Variants in LRRC7 observed in about 807,000 individuals in gnomAD.
LRRC7 encodes leucine-rich repeat-containing protein 7.
A neutral mutation model predicts 175.7 loss-of-function variants in LRRC7; 23 were observed. That is an observed-to-expected ratio of 0.13 (90% CI 0.09 to 0.19). The LOEUF is 0.19. Ranked by LOEUF, LRRC7 falls within the 10% of genes least tolerant of loss-of-function variation. LRRC7 has a pLI of 1.00. For missense variants in LRRC7, 1,354 were observed against 1,904.7 expected, an observed-to-expected ratio of 0.71 and a Z score of 5.38; for synonymous variants, 685 against 680.9, an observed-to-expected ratio of 1.01 and a Z score of -0.09.
chr1:69,607,847 C>T (rs1470733293), intron 1 of LRRC7: 1 of 152,074 alleles, frequency 6.6e-6, no homozygotes, highest in Non-Finnish European at 1.5e-5. Flanking sequence ...GGTATTGATT[C>T]TTCTATTTGG....
At chr1:70,035,082 A>G (rs1659164808) in intron 18 of LRRC7, among the ~76,000 whole-genome samples, 1 of 152,204 alleles carries the variant, frequency 6.6e-6, no homozygotes, top group Non-Finnish European at 1.5e-5. Context: ...CTGATTTAAC[A>G]AAATATTTCT....
At chr1:69,967,880 T>C (rs1651815726) in intron 8 of LRRC7, among the ~76,000 whole-genome samples, 1 of 152,028 alleles carries the variant, frequency 6.6e-6, no homozygotes, top group Non-Finnish European at 1.5e-5. Flanking sequence ...TCTGGTAATA[T>C]GGCAAAACAA....
chr1:69,775,589 C>T (rs1314771900), intron 3 of LRRC7, among the ~76,000 whole-genome samples: 1 of 152,160 alleles, frequency 6.6e-6, no homozygotes, highest in Non-Finnish European at 1.5e-5. Flanking sequence ...ATAGAACTGA[C>T]TTCTAGTCAC....
intron 3 of LRRC7, among the ~76,000 whole-genome samples, chr1:69,779,806 T>C (rs1430936277): frequency 6.6e-6 from 1 of 152,244 alleles, no homozygotes; most frequent in Non-Finnish European, 1.5e-5. Flanking sequence ...ATTGTTAAAA[T>C]GTACTAGAAA....
In LRRC7 at chr1:70,088,594, A is replaced by T. The variant is rs562981978; in HGVS notation, c.4453-1133A>T. 4.6e-5 allele frequency among the ~76,000 whole-genome samples: 7 copies of T among 152,258 alleles called. No individual in the cohort carries two copies. The South Asian group carries it at 1.4e-3, about 32-fold the overall frequency. ...AGTAAATAATAAAAAATAAAGTTACAAAGTGTTTTTTCTTTATGTAACCAA... is the reference window on the plus strand; with the variant it reads ...AGTAAATAATAAAAAATAAAGTTACTAAGTGTTTTTTCTTTATGTAACCAA... On this transcript the variant is annotated intron_variant, in intron 24 of 26. Transcript: ENST00000651989.
At chr1:69,764,245 A>G (rs891082592) in intron 3 of LRRC7, among the ~76,000 whole-genome samples, 3 of 151,988 alleles carry the variant, frequency 2.0e-5, no homozygotes, top group Admixed American at 1.3e-4. Context: ...ACTTAAAATT[A>G]TAGACAGAGT....
chr1:70,036,777 G>T (rs1659359990), intron 20 of LRRC7, among the ~76,000 whole-genome samples, 153 bp downstream of exon 20: 1 of 152,152 alleles, frequency 6.6e-6, no homozygotes, highest in Admixed American at 6.5e-5. Context: ...GCCTGGGACT[G>T]CCAGGAACAG....
chr1:69,939,023 A>C (rs1229798704), intron 8 of LRRC7, among the ~76,000 whole-genome samples: 3 of 111,668 alleles, frequency 2.7e-5, no homozygotes, highest in African/African-American at 6.6e-5. Flanking sequence ...ATCTATATAT[A>C]TATATATCTA....
chr1:70,034,132 G>C (rs187826860), intron 18 of LRRC7, among the ~76,000 whole-genome samples: 2 of 152,172 alleles, frequency 1.3e-5, no homozygotes, highest in Admixed American at 1.3e-4. Context: ...TTTTTGGCAA[G>C]TCAGCATATT....
At chr1:69,952,997 CA>C (rs61277479) in intron 8 of LRRC7, among the ~76,000 whole-genome samples, 7,772 of 56,944 alleles carry the variant, frequency 0.14, 311 homozygotes, top group African/African-American at 0.29. Context: ...AGAGACAAGG[CA>C]AAAAAAAAAA....
rs954755480 is a variant in LRRC7, at chr1:69,739,057, A to G, written c.101-21134A>G. ...TAAACAGGATTTGAGAGGCTTGACT[A>G]AAAGCAAGATAGCAGTAGCTGGTCA... is the stretch of plus-strand genomic sequence containing the variant. On this transcript the variant is annotated intron_variant, in intron 2 of 26. Transcript: ENST00000651989. Among the ~76,000 whole-genome samples the G allele has an allele frequency of 2.6e-5, 4 of 152,106 alleles. No homozygotes were observed. The East Asian group carries it at 7.7e-4, about 29-fold the overall frequency.
At chr1:69,625,653 T>C (rs1651399569) in intron 1 of LRRC7, among the ~76,000 whole-genome samples, 1 of 152,088 alleles carries the variant, frequency 6.6e-6, no homozygotes, top group Non-Finnish European at 1.5e-5. Context: ...ATTTTAGCTA[T>C]AAACAAATAT....
At position 69,847,130 on chromosome 1, in the gene LRRC7, C is replaced by T. The variant is rs998645676; in HGVS notation, c.647+8847C>T. Among the ~76,000 whole-genome samples, 4 of 152,126 alleles carry T rather than the reference C, an allele frequency of 2.6e-5. No homozygotes were observed. In the East Asian group the frequency reaches 5.8e-4, roughly 22 times the overall value. On this transcript the variant is annotated intron_variant, in intron 7 of 26. Coordinates refer to ENST00000651989, the MANE Select transcript of LRRC7 (RefSeq NM_001370785.2). ...AATATTGAATTTAGCAACTAAAACACGTGATAGAAATTAACACTCCACAAG... is the reference window on the plus strand; with the variant it reads ...AATATTGAATTTAGCAACTAAAACATGTGATAGAAATTAACACTCCACAAG...
intron 2 of LRRC7, among the ~76,000 whole-genome samples, chr1:69,737,827 C>A (rs1261575043): frequency 6.6e-6 from 1 of 151,984 alleles, no homozygotes; most frequent in Non-Finnish European, 1.5e-5. Flanking sequence ...TTGAACTCAC[C>A]ACAGTCTCAT....
intron 2 of LRRC7, among the ~76,000 whole-genome samples, chr1:69,713,055 T>G (rs983967707): frequency 6.6e-6 from 1 of 152,190 alleles, no homozygotes; most frequent in African/African-American, 2.4e-5. Context: ...ACAACAAGAA[T>G]GTAATAGTTT....
intron 3 of LRRC7, among the ~76,000 whole-genome samples, chr1:69,767,607 C>T (rs1434560540): frequency 2.0e-5 from 3 of 152,034 alleles, no homozygotes; most frequent in Non-Finnish European, 2.9e-5. Flanking sequence ...CAGGTGTGTG[C>T]CACGATGCCC....
rs1666381365 is a variant in LRRC7, at chr1:70,124,974, CAAAT to C, written c.*3089_*3092del. Reference sequence around the variant, plus strand: ...TAGTAAAATTGCAAATTTTGCAAGACAAATAGATATTAGTGGACAATTTTTAAAA... The same window carrying C: ...TAGTAAAATTGCAAATTTTGCAAGACAGATATTAGTGGACAATTTTTAAAA... On this transcript the variant is annotated 3_prime_UTR_variant, in exon 27 of 27. Coordinates refer to ENST00000651989, the MANE Select transcript of LRRC7 (RefSeq NM_001370785.2). Among the ~76,000 whole-genome samples, 2 of 152,226 alleles carry C rather than the reference CAAAT, an allele frequency of 1.3e-5. No individual in the cohort carries two copies. The highest frequency in any genetic ancestry group is 2.4e-5 in the African/African-American group (1 of 41,546).
intron 24 of LRRC7, among the ~76,000 whole-genome samples, chr1:70,078,182 C>T (rs982621189): frequency 1.3e-5 from 2 of 152,022 alleles, no homozygotes; most frequent in East Asian, 3.9e-4. Flanking sequence ...ATCACATGCA[C>T]CCCATGAATA....
intron 2 of LRRC7, among the ~76,000 whole-genome samples, chr1:69,683,683 T>C (rs1478216437): frequency 6.6e-6 from 1 of 152,108 alleles, no homozygotes; most frequent in Non-Finnish European, 1.5e-5. Flanking sequence ...AAGATTAAAT[T>C]TTTGATAGTC....
Sources: allele counts gnomAD v4.1 joint callset (sites outside exome capture counted in the v4.1 genomes callset), GRCh38; gene constraint gnomAD v4.1.1; transcripts MANE v1.5; gene names NCBI Gene and HGNC (gene_info 2026-07-23, HGNC 2026-07-21).